ELAVL2: variants seen among roughly 807,000 people sequenced by gnomAD.
ELAVL2 encodes ELAV-like protein 2.
In ELAVL2, 4 loss-of-function variants were observed where a neutral mutation model predicts 34.6. The ratio of observed to expected loss-of-function variants is 0.12; its 90% CI spans 0.06 to 0.26. The LOEUF (loss-of-function observed/expected upper bound fraction) is 0.26. Ranked by LOEUF, ELAVL2 falls within the 10% of genes least tolerant of loss-of-function variation. The pLI is 1.00. For synonymous variants in ELAVL2, 193 were observed against 154.8 expected (o/e 1.25, Z -1.83); for missense variants, 432 against 442.8 (o/e 0.98, Z 0.22).
intron 1 of ELAVL2, among the ~76,000 whole-genome samples, chr9:23,809,512 T>C (rs1588709539): frequency 6.6e-6 from 1 of 152,138 alleles, no homozygotes; most frequent in East Asian, 1.9e-4. Flanking sequence ...GTTAAGGCAG[T>C]TTTTGCAAAA....
At chr9:23,704,426 C>A (rs1234032878) in intron 4 of ELAVL2, among the ~76,000 whole-genome samples, 1 of 152,034 alleles carries the variant, frequency 6.6e-6, no homozygotes, top group African/African-American at 2.4e-5. Context: ...AAATTTTTAA[C>A]ATTCAAAATT....
At chr9:23,813,645 AG>A (rs748127558) in intron 1 of ELAVL2, among the ~76,000 whole-genome samples, 2 of 152,200 alleles carry the variant, frequency 1.3e-5, no homozygotes, top group Admixed American at 1.3e-4. Context: ...CTAAAATCCC[AG>A]GGGGGGAGGA....
the ELAVL2 span, among the ~76,000 whole-genome samples, chr9:23,841,738 T>C: frequency 0.031 from 4,664 of 152,228 alleles, 252 homozygotes; most frequent in Admixed American, 0.13. Flanking sequence ...AAGTGAATGA[T>C]AGTGTTTGCT....
chr9:23,762,394 C>T (rs2055241608), intron 1 of ELAVL2, 145 bp from the exon 2 acceptor site: 2 of 973,498 alleles, frequency 2.1e-6, no homozygotes, highest in African/African-American at 3.3e-5. Flanking sequence ...GTAATACCTA[C>T]ACTAATTTTC....
At chr9:23,710,739 A>C (rs539103058) in intron 3 of ELAVL2, among the ~76,000 whole-genome samples, 3 of 152,314 alleles carry the variant, frequency 2.0e-5, no homozygotes, top group Non-Finnish European at 2.9e-5. Context: ...ATATTTTTTA[A>C]AGATGGAGTC....
chr9:23,835,437 T>C, the ELAVL2 span, among the ~76,000 whole-genome samples: 1 of 152,252 alleles, frequency 6.6e-6, no homozygotes, highest in Admixed American at 6.5e-5. Context: ...TCTCCACTTA[T>C]ATTTTTATAG....
intron 3 of ELAVL2, among the ~76,000 whole-genome samples, chr9:23,726,156 G>A (rs2045098885): frequency 6.6e-6 from 1 of 151,918 alleles, no homozygotes. Context: ...TTAACAAAAA[G>A]TTAATGGCAA....
In ELAVL2 at chr9:23,826,048, G is replaced by A. The variant is rs1359013093; in HGVS notation, c.-258C>T. ...TTAAAAAAGAGTTTAAAAAGACGGA[G>A]AGACTACCCTCCTATTGCCGTTCAA... On this transcript the variant is annotated 5_prime_UTR_variant, in exon 1 of 7. Transcript: ENST00000397312. 6.6e-6 allele frequency: 1 copy of A among 152,210 alleles called. No individual in the cohort carries two copies. The highest frequency in any genetic ancestry group is 2.4e-5 in the African/African-American group (1 of 41,450). The allele number at this position is 152,210 out of a possible 1,614,324, so 9.4% of individuals were successfully genotyped here.
intron 5 of ELAVL2, 89 bp from the exon 6 acceptor site, chr9:23,693,575 G>T: frequency 6.8e-7 from 1 of 1,460,206 alleles, no homozygotes; most frequent in Non-Finnish European, 9.6e-7. Flanking sequence ...ATCTTCCGAG[G>T]GGATATCTGT....
chr9:23,709,001 C>A (rs2040193338), intron 3 of ELAVL2, among the ~76,000 whole-genome samples: 1 of 152,234 alleles, frequency 6.6e-6, no homozygotes, highest in South Asian at 2.1e-4. Context: ...TTACAATTAA[C>A]CAAAGAAACT....
At chr9:23,846,119 A>C in the ELAVL2 span, among the ~76,000 whole-genome samples, 1 of 151,882 alleles carries the variant, frequency 6.6e-6, no homozygotes, top group East Asian at 1.9e-4. Flanking sequence ...TCAAAATTAG[A>C]GCATTTTGAT....
At chr9:23,810,863 T>C (rs2062882627) in intron 1 of ELAVL2, among the ~76,000 whole-genome samples, 2 of 152,168 alleles carry the variant, frequency 1.3e-5, no homozygotes, top group Admixed American at 1.3e-4. Context: ...TGTCTCCTGG[T>C]TCCATCACCT....
chr9:23,825,495 C>A (rs2065243673), intron 1 of ELAVL2, among the ~76,000 whole-genome samples: 1 of 152,170 alleles, frequency 6.6e-6, no homozygotes, highest in Non-Finnish European at 1.5e-5. Context: ...TCTCTCCCCA[C>A]GAAATGAACT....
At chr9:23,706,976 CA>C (rs2039527730) in intron 3 of ELAVL2, among the ~76,000 whole-genome samples, 1 of 152,156 alleles carries the variant, frequency 6.6e-6, no homozygotes, top group Non-Finnish European at 1.5e-5. Context: ...TGCTCATTAA[CA>C]AGTGAAAATA....
At chr9:23,707,238 A>T (rs1457277806) in intron 3 of ELAVL2, among the ~76,000 whole-genome samples, 1 of 152,248 alleles carries the variant, frequency 6.6e-6, no homozygotes, top group Non-Finnish European at 1.5e-5. Flanking sequence ...CTATAAACTG[A>T]TGAAACAAGG....
chr9:23,757,331 C>T (rs2053815769), intron 2 of ELAVL2, among the ~76,000 whole-genome samples: 1 of 152,002 alleles, frequency 6.6e-6, no homozygotes, highest in African/African-American at 2.4e-5. Context: ...TGAGCTCTTG[C>T]CTCCAACAAG....
intron 3 of ELAVL2, among the ~76,000 whole-genome samples, chr9:23,722,177 A>G (rs920952859): frequency 6.6e-6 from 1 of 152,226 alleles, no homozygotes. Context: ...TGCACCATCC[A>G]TGCTTTTTTA....
At chr9:23,778,742 A>G (rs1164608679) in intron 1 of ELAVL2, among the ~76,000 whole-genome samples, 1 of 152,132 alleles carries the variant, frequency 6.6e-6, no homozygotes, top group Non-Finnish European at 1.5e-5. Flanking sequence ...TTAATTGTAG[A>G]CCTAATCATC....
At chr9:23,818,323 G>A (rs1180153609) in intron 1 of ELAVL2, among the ~76,000 whole-genome samples, 2 of 152,246 alleles carry the variant, frequency 1.3e-5, no homozygotes, top group African/African-American at 2.4e-5. Flanking sequence ...GAAAAGCTAC[G>A]TAATCTGTGG....
Sources: allele counts gnomAD v4.1 joint callset (sites outside exome capture counted in the v4.1 genomes callset), GRCh38; gene constraint gnomAD v4.1.1; transcripts MANE v1.5; gene names NCBI Gene and HGNC (gene_info 2026-07-23, HGNC 2026-07-21).